TAFA2: variants seen among roughly 807,000 people sequenced by gnomAD.
TAFA2 encodes the protein chemokine-like protein TAFA-2.
TAFA2 carries 7 observed loss-of-function variants against 18.8 expected under a neutral mutation model. That is an observed-to-expected ratio of 0.37 (90% CI 0.21 to 0.70). The LOEUF (loss-of-function observed/expected upper bound fraction) is 0.70. Ranked by LOEUF, TAFA2 falls within the 30% of genes least tolerant of loss-of-function variation. TAFA2 has a pLI of 0.53. For synonymous variants in TAFA2, 60 were observed against 54.2 expected, an observed-to-expected ratio of 1.11 and a Z score of -0.47; for missense variants, 122 against 158.1, an observed-to-expected ratio of 0.77 and a Z score of 1.23.
At chr12:61,900,548 C>T (rs1876052746) in intron 1 of TAFA2, among the ~76,000 whole-genome samples, 1 of 152,172 alleles carries the variant, frequency 6.6e-6, no homozygotes, top group African/African-American at 2.4e-5. Context: ...GGAAAGCAAA[C>T]ACGTCCTTCC....
chr12:61,910,363 A>G (rs541366486), intron 1 of TAFA2, among the ~76,000 whole-genome samples: 13 of 152,176 alleles, frequency 8.5e-5, no homozygotes, highest in Non-Finnish European at 1.8e-4. Context: ...AGAAATAACT[A>G]AAAACTGATG....
intron 2 of TAFA2, among the ~76,000 whole-genome samples, chr12:61,854,927 T>C (rs996826645): frequency 6.6e-6 from 1 of 152,090 alleles, no homozygotes; most frequent in African/African-American, 2.4e-5. Context: ...ATGTAAGAGA[T>C]GGGAAAAGGT....
intron 1 of TAFA2, among the ~76,000 whole-genome samples, chr12:62,147,014 A>C (rs1042663948): frequency 9.2e-5 from 14 of 151,860 alleles, no homozygotes; most frequent in African/African-American, 7.3e-5. Context: ...ATAAAGCTGC[A>C]TACCTACAAC....
At chr12:61,787,055 T>A (rs528505220) in intron 2 of TAFA2, among the ~76,000 whole-genome samples, 101 of 151,580 alleles carry the variant, frequency 6.7e-4, no homozygotes, top group African/African-American at 2.4e-3. Flanking sequence ...AATACTCCCA[T>A]TAAAAGAGAT....
At chr12:61,862,050 A>AATG (rs1874152646) in intron 2 of TAFA2, among the ~76,000 whole-genome samples, 4 of 152,158 alleles carry the variant, frequency 2.6e-5, no homozygotes, top group Admixed American at 2.6e-4. Flanking sequence ...CCCCAAACCC[A>AATG]ATGATGACTC....
intron 1 of TAFA2, among the ~76,000 whole-genome samples, chr12:62,025,493 A>C (rs537696544): frequency 6.6e-6 from 1 of 152,292 alleles, no homozygotes; most frequent in African/African-American, 2.4e-5. Flanking sequence ...ATGAAAAGCT[A>C]ATCTTTGACA....
intron 1 of TAFA2, among the ~76,000 whole-genome samples, chr12:62,164,073 A>T (rs1394444049): frequency 6.6e-6 from 1 of 152,134 alleles, no homozygotes; most frequent in Non-Finnish European, 1.5e-5. Context: ...GCAATCAAAG[A>T]GAGTGGAACA....
In TAFA2 at chr12:62,058,700, C is replaced by CT. The variant is rs1413347283; in HGVS notation, c.-2+132558dup. Among the ~76,000 whole-genome samples, 3 of 152,160 alleles carry CT rather than the reference C, an allele frequency of 2.0e-5. No homozygotes were observed. In the South Asian group the frequency reaches 6.2e-4, roughly 31 times the overall value. Reference sequence around the variant, plus strand: ...GTTCAACTGGGCATGGTAACTCACGCTTGTATTCTCGTCATTTTGGGAAGC... The same window carrying CT: ...GTTCAACTGGGCATGGTAACTCACGCTTTGTATTCTCGTCATTTTGGGAAGC... On this transcript the variant is annotated intron_variant, in intron 1 of 4. Transcript: ENST00000416284.
At chr12:61,897,754 A>C (rs904544463) in intron 1 of TAFA2, among the ~76,000 whole-genome samples, 5 of 151,972 alleles carry the variant, frequency 3.3e-5, no homozygotes, top group Admixed American at 2.6e-4. Flanking sequence ...AAACCATAGC[A>C]TACTGCCCCT....
intron 4 of TAFA2, among the ~76,000 whole-genome samples, chr12:61,734,232 GA>G (rs1868267016): frequency 6.6e-6 from 1 of 151,710 alleles, no homozygotes. Context: ...GGGACAATTG[GA>G]AATCATCATT....
chr12:61,970,478 A>G (rs1361594279), intron 1 of TAFA2, among the ~76,000 whole-genome samples: 1 of 151,690 alleles, frequency 6.6e-6, no homozygotes, highest in Non-Finnish European at 1.5e-5. Context: ...TAAACAAAGC[A>G]GGGATAACAC....
intron 1 of TAFA2, among the ~76,000 whole-genome samples, chr12:62,042,001 T>C (rs942917771): frequency 1.3e-5 from 2 of 152,122 alleles, no homozygotes; most frequent in African/African-American, 2.4e-5. Flanking sequence ...CCCAGAGCTA[T>C]AAAGGATCTC....
intron 1 of TAFA2, among the ~76,000 whole-genome samples, chr12:62,256,388 AT>A (rs2062939257): frequency 6.6e-6 from 1 of 152,136 alleles, no homozygotes; most frequent in African/African-American, 2.4e-5. Context: ...GTTTGCTCTA[AT>A]TTTTTTAAAT....
At chr12:61,993,357 A>G (rs1477705555) in intron 1 of TAFA2, among the ~76,000 whole-genome samples, 7 of 152,198 alleles carry the variant, frequency 4.6e-5, no homozygotes, top group Admixed American at 2.0e-4. Context: ...TCTCAAGTGT[A>G]CATGCTTTTC....
chr12:61,979,840 A>G (rs1332523682), intron 1 of TAFA2, among the ~76,000 whole-genome samples: 1 of 152,084 alleles, frequency 6.6e-6, no homozygotes, highest in South Asian at 2.1e-4. Flanking sequence ...AGATGCAGAT[A>G]TGGCAAACGA....
chr12:61,758,145 G>T lies in TAFA2; in HGVS notation c.107-3121C>A, dbSNP rs962941352. The stretch of plus-strand genomic sequence containing the variant: ...TGATCTTGGTAAAAATCATGTTAGT[G>T]GCATGAAAAAAATAAAAGCATTATT... On this transcript the variant is annotated intron_variant, in intron 2 of 4. Coordinates refer to ENST00000416284, the MANE Select transcript of TAFA2 (RefSeq NM_178539.5). 1.5e-4 allele frequency among the ~76,000 whole-genome samples: 22 copies of T among 151,670 alleles called. 1 individual carries two copies. Among genetic ancestry groups the T allele is most frequent in the African/African-American group, 5.1e-4 (21 of 41,278 alleles).
chr12:61,992,997 T>A (rs561183574), intron 1 of TAFA2, among the ~76,000 whole-genome samples: 1 of 152,322 alleles, frequency 6.6e-6, no homozygotes, highest in South Asian at 2.1e-4. Flanking sequence ...ATTATTCTTA[T>A]TATGTAGATG....
At chr12:62,107,634 ATTAT>A (rs1283845214) in intron 1 of TAFA2, among the ~76,000 whole-genome samples, 1 of 152,184 alleles carries the variant, frequency 6.6e-6, no homozygotes, top group Non-Finnish European at 1.5e-5. Flanking sequence ...TGGAAGAATA[ATTAT>A]TTAATTAGGA....
At chr12:61,771,019 C>T (rs1486020448) in intron 2 of TAFA2, among the ~76,000 whole-genome samples, 1 of 151,952 alleles carries the variant, frequency 6.6e-6, no homozygotes, top group African/African-American at 2.4e-5. Context: ...CACATAAGGA[C>T]ACACATAAAC....
Sources: gnomAD v4.1 joint callset for allele counts (sites outside exome capture counted in the v4.1 genomes callset) on GRCh38, gnomAD v4.1.1 for gene constraint, MANE v1.5 for transcripts, NCBI Gene and HGNC (gene_info 2026-07-23, HGNC 2026-07-21) for gene names.